The following ESRRG variants were observed in gnomAD, a reference collection of about 807,000 sequenced individuals.
ESRRG encodes the protein estrogen-related receptor gamma.
Under a neutral mutation model 44.0 loss-of-function variants are expected in ESRRG, and 13 were observed. The observed-to-expected ratio is 0.30, with a 90% CI of 0.19 to 0.47. ESRRG has a LOEUF of 0.47. ESRRG is among the 20% of genes least tolerant of loss of function. The pLI is 1.00. For missense variants in ESRRG, 395 were observed against 580.6 expected, an observed-to-expected ratio of 0.68 and a Z score of 3.29; for synonymous variants, 215 against 214.6, an observed-to-expected ratio of 1.00 and a Z score of -0.02.
chr1:216,709,593 C>A (rs2083181744), intron 1 of ESRRG, among the ~76,000 whole-genome samples: 1 of 151,840 alleles, frequency 6.6e-6, no homozygotes, highest in African/African-American at 2.4e-5. Context: ...ACTCAAATGC[C>A]ATGATTCAAT....
chr1:217,046,111 A>G (rs975020007), intron 1 of ESRRG, among the ~76,000 whole-genome samples: 3 of 152,062 alleles, frequency 2.0e-5, no homozygotes, highest in Non-Finnish European at 4.4e-5. Flanking sequence ...CATGTCGCCA[A>G]TAAAAGGAAT....
intron 2 of ESRRG, among the ~76,000 whole-genome samples, chr1:216,858,056 T>C (rs925417952): frequency 6.6e-6 from 1 of 152,060 alleles, no homozygotes; most frequent in African/African-American, 2.4e-5. Flanking sequence ...GAAAAATAGC[T>C]CCTTTTTCAA....
At chr1:216,973,249 CG>C (rs1339099293) in intron 1 of ESRRG, among the ~76,000 whole-genome samples, 1 of 152,118 alleles carries the variant, frequency 6.6e-6, no homozygotes, top group Non-Finnish European at 1.5e-5. Context: ...GCCATGATAC[CG>C]GCCTAATGAG....
intron 1 of ESRRG, among the ~76,000 whole-genome samples, chr1:216,689,830 G>C (rs2078733740): frequency 6.7e-6 from 1 of 149,752 alleles, no homozygotes; most frequent in Non-Finnish European, 1.5e-5. Context: ...AGGTCAATAA[G>C]TAATGTGCTA....
chr1:216,858,314 G>A (rs1157835761), intron 2 of ESRRG, among the ~76,000 whole-genome samples: 1 of 151,772 alleles, frequency 6.6e-6, no homozygotes, highest in Non-Finnish European at 1.5e-5. Flanking sequence ...GCGGGTGCCT[G>A]TAGTCCCAGC....
intron 1 of ESRRG, among the ~76,000 whole-genome samples, chr1:217,007,922 A>AAG (rs1375782933): frequency 2.0e-5 from 3 of 152,208 alleles, no homozygotes; most frequent in Non-Finnish European, 4.4e-5. Flanking sequence ...AGATGAGTCC[A>AAG]AGAGAAGAGC....
chr1:216,994,495 A>G (rs1236903580), intron 1 of ESRRG, among the ~76,000 whole-genome samples: 1 of 152,224 alleles, frequency 6.6e-6, no homozygotes, highest in African/African-American at 2.4e-5. Context: ...ATCCTGGTAC[A>G]ACTACTTTGT....
chr1:216,661,832 G>C (rs2072513243), intron 2 of ESRRG, among the ~76,000 whole-genome samples: 1 of 152,082 alleles, frequency 6.6e-6, no homozygotes, highest in Admixed American at 6.6e-5. Context: ...ACTGATTTGG[G>C]GAACTCCTTG....
At chr1:217,093,653 A>T (rs1477848499), upstream of ESRRG, among the ~76,000 whole-genome samples, 1 of 151,832 alleles carries the variant, frequency 6.6e-6, no homozygotes, top group Non-Finnish European at 1.5e-5. Flanking sequence ...GCATGGTGGC[A>T]TGTGCCTGTT....
At chr1:216,721,414 A>G (rs2086248280) in intron 1 of ESRRG, among the ~76,000 whole-genome samples, 1 of 152,260 alleles carries the variant, frequency 6.6e-6, no homozygotes, top group Admixed American at 6.5e-5. Flanking sequence ...GCTTAGCGTT[A>G]GATCTTTCTG....
Position 216,677,434 on chromosome 1 carries a change from G to A in ESRRG, c.114C>T (p.Phe38=), listed in dbSNP as rs2076294402. 2.5e-6 allele frequency: 4 copies of A among 1,614,046 alleles called. No individual in the cohort carries two copies. Among genetic ancestry groups the A allele is most frequent in the Non-Finnish European group, 3.4e-6 (4 of 1,179,972 alleles). The part of the protein sequence containing the change: ...DRHIDSSCSS[F]IKTEPSSPAS... ...CTGGGCTGGAAGGTTCCGTCTTGAT[G>A]AAGGACGAACAGCTGGAATCAATGT... Residue 38 remains phenylalanine, a synonymous_variant, in exon 2 of 7, where the codon TTC becomes TTT. Transcript: ENST00000408911.
At chr1:216,593,945 C>T (rs111964661) in intron 3 of ESRRG, among the ~76,000 whole-genome samples, 499 of 152,230 alleles carry the variant, frequency 3.3e-3, no homozygotes, top group African/African-American at 0.012. Context: ...GTTGCCCAGG[C>T]TGGTGTCAAA....
chr1:216,824,968 A>G (rs1397265688), intron 2 of ESRRG, among the ~76,000 whole-genome samples: 3 of 152,208 alleles, frequency 2.0e-5, no homozygotes, highest in Non-Finnish European at 4.4e-5. Flanking sequence ...GAGACAGAGA[A>G]TTCACTACAT....
At chr1:216,658,542 C>T (rs2071245087) in intron 2 of ESRRG, among the ~76,000 whole-genome samples, 1 of 151,898 alleles carries the variant, frequency 6.6e-6, no homozygotes, top group African/African-American at 2.4e-5. Context: ...AAGAAAGAGG[C>T]CAGGCACTGT....
intron 1 of ESRRG, among the ~76,000 whole-genome samples, chr1:216,685,824 A>G: frequency 6.6e-6 from 1 of 152,236 alleles, no homozygotes; most frequent in East Asian, 1.9e-4. Context: ...AATGTTTTGC[A>G]AAAGCAATTA....
At chr1:217,043,538 C>T (rs1251473911) in intron 1 of ESRRG, among the ~76,000 whole-genome samples, 1 of 152,150 alleles carries the variant, frequency 6.6e-6, no homozygotes. Context: ...TTCCTTAGTA[C>T]TTTCATTAAA....
At chr1:217,134,861 G>C (rs899257115) in intron 1 of ESRRG, among the ~76,000 whole-genome samples, 3 of 152,238 alleles carry the variant, frequency 2.0e-5, no homozygotes, top group African/African-American at 7.2e-5. Context: ...CCTGTGGACC[G>C]ACCGCCGCGA....
chr1:216,517,638 T>C (rs1346287526), intron 6 of ESRRG, among the ~76,000 whole-genome samples: 5 of 152,192 alleles, frequency 3.3e-5, no homozygotes, highest in African/African-American at 9.6e-5. Flanking sequence ...ACCACTGTTA[T>C]AAAATATTTC....
intron 1 of ESRRG, among the ~76,000 whole-genome samples, chr1:217,127,685 C>A (rs2092910168): frequency 6.6e-6 from 1 of 152,082 alleles, no homozygotes; most frequent in African/African-American, 2.4e-5. Flanking sequence ...TGACCTCGGG[C>A]AAGTTATAGA....
Sources: gnomAD v4.1 joint callset for allele counts (sites outside exome capture counted in the v4.1 genomes callset) on GRCh38, gnomAD v4.1.1 for gene constraint, MANE v1.5 for transcripts, NCBI Gene and HGNC (gene_info 2026-07-23, HGNC 2026-07-21) for gene names.